PCDHGB1: variants seen among roughly 807,000 people sequenced by gnomAD.
The protein encoded by PCDHGB1 is protocadherin gamma subfamily B, 1, also known as protocadherin gamma-B1.
Under a neutral mutation model 56.6 loss-of-function variants are expected in PCDHGB1, and 34 were observed. That is an observed-to-expected ratio of 0.60 (90% CI 0.46 to 0.80). PCDHGB1 has a LOEUF of 0.80. Ranked by LOEUF, PCDHGB1 falls within the 30% of genes least tolerant of loss-of-function variation. PCDHGB1 has a pLI of 0.00. For missense variants in PCDHGB1, 1,278 were observed against 1,204.6 expected (o/e 1.06, Z -0.90); for synonymous variants, 561 against 505.9 (o/e 1.11, Z -1.46).
chr5:141,398,344 C>T (rs901692894), intron 1 of PCDHGB1: 2 of 1,372,186 alleles, frequency 1.5e-6, no homozygotes, highest in Non-Finnish European at 2.0e-6. Context: ...TTCGGAGAAG[C>T]CTTACTTCAC....
intron 1 of PCDHGB1, among the ~76,000 whole-genome samples, chr5:141,474,280 C>A (rs1490512371): frequency 6.6e-6 from 1 of 152,136 alleles, no homozygotes; most frequent in African/African-American, 2.4e-5. Context: ...CTCTGAATAA[C>A]CCACTAGATC....
chr5:141,408,155 C>T (rs1355335396), intron 1 of PCDHGB1: 2 of 1,511,456 alleles, frequency 1.3e-6, no homozygotes, highest in Non-Finnish European at 1.8e-6. Flanking sequence ...GTAGAGTGCA[C>T]TTTCTCCAAC....
Position 141,431,829 on chromosome 5 carries a change from C to T in PCDHGB1, c.2410-62978C>T, listed in dbSNP as rs758915768. On this transcript the variant is annotated intron_variant, in intron 1 of 3. Transcript: ENST00000523390. The surrounding 1 kb of genome is among the most constrained non-coding windows in gnomAD (Gnocchi z 4.8). ...CTCACCTCTCTCGCCAGCTCGGTTC[C>T]CGAAAACTCTCCCAGAGGGACATTA... The T allele has an allele frequency of 1.9e-6, 3 of 1,613,928 alleles. No individual in the cohort carries two copies. The highest frequency in any genetic ancestry group is 2.2e-5 in the South Asian group (2 of 91,090).
At chr5:141,468,560 T>TA (rs2099169084) in intron 1 of PCDHGB1, 1 of 152,004 alleles carries the variant, frequency 6.6e-6, no homozygotes, top group Non-Finnish European at 1.5e-5. Context: ...ATTTGTGATA[T>TA]AGTAAACAAT....
chr5:141,457,701 G>A (rs1341216514), intron 1 of PCDHGB1, among the ~76,000 whole-genome samples: 1 of 152,222 alleles, frequency 6.6e-6, no homozygotes, highest in Admixed American at 6.5e-5. Context: ...TGGCTTTGAT[G>A]AAACACTGTT....
intron 1 of PCDHGB1, among the ~76,000 whole-genome samples, chr5:141,452,648 GCTCCATCCACTGCA>G (rs2098746292): frequency 6.6e-6 from 1 of 151,930 alleles, no homozygotes; most frequent in African/African-American, 2.4e-5. Flanking sequence ...TTACTCATTT[GCTCCATCCACTGCA>G]CTCCAGCCTA....
intron 1 of PCDHGB1, among the ~76,000 whole-genome samples, chr5:141,354,019 T>C (rs1188791033): frequency 6.6e-6 from 1 of 152,226 alleles, no homozygotes; most frequent in Non-Finnish European, 1.5e-5. Flanking sequence ...CTGTAAGTAT[T>C]CATAAGAAAG....
chr5:141,357,156 C>T (rs1352604728), intron 1 of PCDHGB1: 5 of 1,613,668 alleles, frequency 3.1e-6, no homozygotes, highest in East Asian at 2.2e-5. Flanking sequence ...ATGGCCAGCC[C>T]CCTCTCTCGG....
Position 141,351,238 on chromosome 5 carries a change from C to G in PCDHGB1, c.978C>G (p.His326Gln). The change falls in exon 1 of 4, where the codon CAC becomes CAG. Residue 326 changes from histidine (H) to glutamine (Q), a missense_variant. Transcript: ENST00000523390. ...AGGATGGAGGAGTACACACAGCTCA[C>G]TGTAATGTTCAAATAGAAATTGTTG... is the stretch of plus-strand genomic sequence containing the variant. The part of the protein sequence containing the change: ...EAKDGGVHTA[H>Q]CNVQIEIVDE... 1 of 1,614,038 alleles carries G rather than the reference C, an allele frequency of 6.2e-7. No homozygotes were observed.
rs755293492 is a variant in PCDHGB1 at position 141,394,003 on chromosome 5, C to A, written c.2409+41334C>A. On this transcript the variant is annotated intron_variant, in intron 1 of 3. Transcript: ENST00000523390. ...AATTTACCTTTTAAATTAGAAAAGT[C>A]AATAGGTAATTATTATAGATTAGTG... The A allele has an allele frequency of 1.9e-6, 3 of 1,613,310 alleles. No homozygotes were observed. The South Asian group carries it at 3.3e-5, about 18-fold the overall frequency.
rs1355278714 is a variant in PCDHGB1 at position 141,398,651 on chromosome 5, A to G, written c.2409+45982A>G. 10 of 1,613,998 alleles carry G rather than the reference A, an allele frequency of 6.2e-6. No homozygotes were observed. The South Asian group carries it at 1.1e-4, about 18-fold the overall frequency. On this transcript the variant is annotated intron_variant, in intron 1 of 3. Coordinates refer to ENST00000523390, the MANE Select transcript of PCDHGB1 (RefSeq NM_018922.3). ...CTGCAGAAGTATAAACTCTCTCTTA[A>G]CCCAAGTTTCTCATTAATAATTAAG... is the stretch of plus-strand genomic sequence containing the variant.
intron 1 of PCDHGB1, chr5:141,404,780 AAGGCCAGTGAGCC>A: frequency 6.2e-7 from 1 of 1,612,764 alleles, no homozygotes; most frequent in Non-Finnish European, 8.5e-7. Context: ...CCGCCTATTC[AAGGCCAGTGAGCC>A]AGGGCTCTTC....
chr5:141,458,104 A>G (rs969775517), intron 1 of PCDHGB1, among the ~76,000 whole-genome samples: 6 of 152,232 alleles, frequency 3.9e-5, no homozygotes, highest in Non-Finnish European at 8.8e-5. Flanking sequence ...ACTTACAGAT[A>G]GTCTCCAAAT....
intron 1 of PCDHGB1, among the ~76,000 whole-genome samples, chr5:141,449,007 T>A (rs937327801): frequency 3.3e-5 from 5 of 152,116 alleles, no homozygotes; most frequent in African/African-American, 1.2e-4. Context: ...CTGTTTTTTT[T>A]AACAGTTGCT....
chr5:141,400,493 A>G, intron 1 of PCDHGB1: 2 of 1,614,014 alleles, frequency 1.2e-6, no homozygotes, highest in South Asian at 2.2e-5. Flanking sequence ...CCACTTTGTA[A>G]TTCCAGCGAG....
Position 141,477,918 on chromosome 5 carries a change from G to A in PCDHGB1, c.2410-16889G>A. 1 of 1,614,154 alleles carries A rather than the reference G, an allele frequency of 6.2e-7. No individual in the cohort carries two copies. Among genetic ancestry groups the A allele is most frequent in the Admixed American group, 1.7e-5 (1 of 60,026 alleles). ...GTGGTAGGCTGGGACGCGGATGCAG[G>A]GCACAATGCCTGGCTCTCCTACAGT... is the stretch of plus-strand genomic sequence containing the variant. On this transcript the variant is annotated intron_variant, in intron 1 of 3. Coordinates refer to ENST00000523390, the MANE Select transcript of PCDHGB1 (RefSeq NM_018922.3). The surrounding 1 kb of genome is among the most constrained non-coding windows in gnomAD (Gnocchi z 4.9).
intron 1 of PCDHGB1, chr5:141,356,581 A>T (rs762640676): frequency 6.2e-7 from 1 of 1,614,132 alleles, no homozygotes; most frequent in East Asian, 2.2e-5. Flanking sequence ...CTCTGCTTAC[A>T]TTCCTGAAAA....
At chr5:141,415,447 T>C in intron 1 of PCDHGB1, 1 of 1,614,200 alleles carries the variant, frequency 6.2e-7, no homozygotes, top group South Asian at 1.1e-5. Context: ...GCAGACCTAT[T>C]CCCACGAGGT....
At chr5:141,480,652 A>C (rs1488188393) in intron 1 of PCDHGB1, among the ~76,000 whole-genome samples, 4 of 152,220 alleles carry the variant, frequency 2.6e-5, no homozygotes, top group Non-Finnish European at 5.9e-5. Context: ...TTGGTTGCAC[A>C]TTAAAATCAC....
Sources: allele counts gnomAD v4.1 joint callset (sites outside exome capture counted in the v4.1 genomes callset), GRCh38; gene constraint gnomAD v4.1.1; non-coding constraint Gnocchi (gnomAD v3.1); transcripts MANE v1.5; gene names NCBI Gene and HGNC (gene_info 2026-07-23, HGNC 2026-07-21).